WWOX: variants seen among roughly 807,000 people sequenced by gnomAD.
The protein encoded by WWOX is WW domain containing oxidoreductase.
A neutral mutation model predicts 46.2 loss-of-function variants in WWOX; 69 were observed. The observed-to-expected ratio is 1.49, with a 90% CI of 1.23 to 1.82. The LOEUF (loss-of-function observed/expected upper bound fraction) is 1.82, where lower values mean the gene tolerates loss of function less well. Among genes scored for constraint, WWOX ranks in the 40% most tolerant of loss-of-function variants. The pLI, the probability that WWOX is intolerant of heterozygous loss-of-function variation, is 0.00. For missense variants in WWOX, 919 were observed against 542.6 expected, an observed-to-expected ratio of 1.69 and a Z score of -6.89; for synonymous variants, 359 against 202.6, an observed-to-expected ratio of 1.77 and a Z score of -6.56.
In WWOX at chr16:78,373,073, C is replaced by T. The variant is rs145570588; in HGVS notation, c.517-13787C>T. Among the ~76,000 whole-genome samples the T allele has an allele frequency of 2.0e-4, 30 of 152,244 alleles. No homozygotes were observed. In the East Asian group the frequency reaches 5.8e-3, roughly 29 times the overall value. On this transcript the variant is annotated intron_variant, in intron 5 of 8. Coordinates refer to ENST00000566780, the MANE Select transcript of WWOX (RefSeq NM_016373.4). ...CTCTGTAATGTCCTAACTTTCATTT[C>T]TGCTTGCACACTGGACAATGCTTTT...
chr16:78,252,297 T>G (rs781755548), intron 5 of WWOX, among the ~76,000 whole-genome samples: 2 of 152,370 alleles, frequency 1.3e-5, no homozygotes, highest in Non-Finnish European at 1.5e-5. Context: ...TATGTATATG[T>G]GCATACACAT....
chr16:78,778,752 A>T (rs1050760994), intron 8 of WWOX, among the ~76,000 whole-genome samples: 31 of 152,010 alleles, frequency 2.0e-4, no homozygotes, highest in African/African-American at 7.3e-4. Context: ...AAAAACTCAA[A>T]CCAAAGAGCA....
intron 8 of WWOX, among the ~76,000 whole-genome samples, chr16:78,864,180 C>A (rs1251542171): frequency 6.6e-6 from 1 of 152,036 alleles, no homozygotes; most frequent in Non-Finnish European, 1.5e-5. Flanking sequence ...TACAGTAAAT[C>A]TATGGTTAAT....
intron 8 of WWOX, among the ~76,000 whole-genome samples, chr16:79,194,691 G>A (rs1019060729): frequency 1.3e-5 from 2 of 152,154 alleles, no homozygotes; most frequent in African/African-American, 2.4e-5. Flanking sequence ...CCCCCGCTCT[G>A]CTGAGTCAGG....
At chr16:78,906,648 G>T (rs542822858) in intron 8 of WWOX, among the ~76,000 whole-genome samples, 18 of 152,346 alleles carry the variant, frequency 1.2e-4, no homozygotes, top group African/African-American at 4.3e-4. Context: ...GATGATAAAG[G>T]TTACTGTTGG....
At chr16:79,025,198 A>G (rs983338355) in intron 8 of WWOX, among the ~76,000 whole-genome samples, 2 of 152,294 alleles carry the variant, frequency 1.3e-5, no homozygotes, top group East Asian at 3.9e-4. Flanking sequence ...TCAGAAAGAC[A>G]ATGTCACTGA....
chr16:78,729,573 C>T (rs2048918041), intron 8 of WWOX, among the ~76,000 whole-genome samples: 3 of 152,084 alleles, frequency 2.0e-5, no homozygotes, highest in South Asian at 2.1e-4. Flanking sequence ...TGCCTGGAGC[C>T]ATCAGGTGCT....
At chr16:78,726,865 G>A (rs2142371056) in intron 8 of WWOX, among the ~76,000 whole-genome samples, 1 of 152,258 alleles carries the variant, frequency 6.6e-6, no homozygotes. Context: ...GAGAGTTGAG[G>A]GGAGCTGAGT....
intron 8 of WWOX, among the ~76,000 whole-genome samples, chr16:78,478,221 T>TA (rs2084399310): frequency 6.6e-6 from 1 of 152,234 alleles, no homozygotes; most frequent in Admixed American, 6.5e-5. Context: ...GCATTTTTAG[T>TA]AAAGGCTGTT....
At chr16:78,688,234 T>A (rs560367727) in intron 8 of WWOX, among the ~76,000 whole-genome samples, 1 of 152,230 alleles carries the variant, frequency 6.6e-6, no homozygotes, top group South Asian at 2.1e-4. Flanking sequence ...ACGCAGTGAT[T>A]TATTTAAGTT....
intron 8 of WWOX, among the ~76,000 whole-genome samples, chr16:78,542,018 CAAAAAAAAA>C (rs548366256): frequency 4.4e-4 from 18 of 40,638 alleles, no homozygotes; most frequent in Admixed American, 9.6e-4. Flanking sequence ...CAGAGTATAC[CAAAAAAAAA>C]AAAAAAAAAA....
chr16:78,916,583 A>G (rs2045257236), intron 8 of WWOX, among the ~76,000 whole-genome samples: 1 of 152,342 alleles, frequency 6.6e-6, no homozygotes, highest in South Asian at 2.1e-4. Flanking sequence ...AGATACTGAT[A>G]ATAATTATAC....
intron 8 of WWOX, among the ~76,000 whole-genome samples, chr16:78,543,467 G>A (rs962046979): frequency 6.6e-6 from 1 of 152,216 alleles, no homozygotes; most frequent in African/African-American, 2.4e-5. Flanking sequence ...TGTGAACAGA[G>A]CAAAAGGGCA....
chr16:78,598,191 C>G (rs1001449777), intron 8 of WWOX, among the ~76,000 whole-genome samples: 1 of 152,242 alleles, frequency 6.6e-6, no homozygotes, highest in Non-Finnish European at 1.5e-5. Context: ...ATCATATTCT[C>G]AAGAAGAAAT....
chr16:78,206,945 T>C (rs941259968), intron 5 of WWOX, among the ~76,000 whole-genome samples: 6 of 152,236 alleles, frequency 3.9e-5, no homozygotes, highest in African/African-American at 9.6e-5. Context: ...ATGTTTTATG[T>C]GAATTAAAAA....
chr16:78,725,652 A>C (rs2048812929), intron 8 of WWOX, among the ~76,000 whole-genome samples: 1 of 151,332 alleles, frequency 6.6e-6, no homozygotes, highest in Admixed American at 6.6e-5. Flanking sequence ...AAAGTAATAA[A>C]ATTGGTTTCT....
chr16:78,942,100 G>A (rs1231784561), intron 8 of WWOX, among the ~76,000 whole-genome samples: 1 of 152,126 alleles, frequency 6.6e-6, no homozygotes, highest in East Asian at 1.9e-4. Context: ...AATTACGTAT[G>A]ACTGTGATTC....
chr16:78,514,943 G>A (rs571976576), intron 8 of WWOX, among the ~76,000 whole-genome samples: 7 of 152,138 alleles, frequency 4.6e-5, no homozygotes, highest in Non-Finnish European at 7.3e-5. Flanking sequence ...AATCACAGGC[G>A]TTTTTGAGGC....
chr16:78,589,802 T>A (rs2045308493), intron 8 of WWOX, among the ~76,000 whole-genome samples: 1 of 152,188 alleles, frequency 6.6e-6, no homozygotes, highest in African/African-American at 2.4e-5. Flanking sequence ...TTTCCCCCTT[T>A]TTTCTCCCTT....
Sources: allele counts gnomAD v4.1 joint callset (sites outside exome capture counted in the v4.1 genomes callset), GRCh38; gene constraint gnomAD v4.1.1; transcripts MANE v1.5; gene names NCBI Gene and HGNC (gene_info 2026-07-23, HGNC 2026-07-21).